The following ELAPOR1 variants were observed in gnomAD, a reference collection of about 807,000 sequenced individuals.
ELAPOR1 encodes endosome-lysosome associated apoptosis and autophagy regulator 1.
A neutral mutation model predicts 119.7 loss-of-function variants in ELAPOR1; 77 were observed. The ratio of observed to expected loss-of-function variants is 0.64; its 90% CI spans 0.54 to 0.78. The LOEUF is 0.78. ELAPOR1 is among the 30% of genes least tolerant of loss of function. ELAPOR1 has a pLI of 0.00. For missense variants in ELAPOR1, 1,115 were observed against 1,270.4 expected (o/e 0.88, Z 1.86); for synonymous variants, 481 against 487.2 (o/e 0.99, Z 0.17).
At chr1:109,129,990 C>T in intron 1 of ELAPOR1, among the ~76,000 whole-genome samples, 1 of 151,956 alleles carries the variant, frequency 6.6e-6, no homozygotes, top group Non-Finnish European at 1.5e-5. Context: ...ACCTTCCTTG[C>T]CTCTTCCAGC....
chr1:109,144,044 TATATATATA>T, intron 1 of ELAPOR1, among the ~76,000 whole-genome samples: 2 of 49,998 alleles, frequency 4.0e-5, no homozygotes, highest in South Asian at 1.6e-3. Flanking sequence ...TATATATATA[TATATATATA>T]TTTATATATT....
intron 3 of ELAPOR1, among the ~76,000 whole-genome samples, chr1:109,169,772 C>G (rs1191299580): frequency 6.6e-6 from 1 of 152,166 alleles, no homozygotes; most frequent in African/African-American, 2.4e-5. Flanking sequence ...CTGACAGTTT[C>G]AAATTTGGAG....
chr1:109,189,557 A>C, intron 10 of ELAPOR1, 35 bp from the exon 11 acceptor site: 1 of 1,577,040 alleles, frequency 6.3e-7, no homozygotes, highest in Non-Finnish European at 8.7e-7. Context: ...TGCACCCAAG[A>C]GCACAAGGCA....
intron 1 of ELAPOR1, among the ~76,000 whole-genome samples, chr1:109,124,541 C>A (rs1648654927): frequency 1.3e-5 from 2 of 152,138 alleles, no homozygotes; most frequent in African/African-American, 4.8e-5. Context: ...TAAACATTTG[C>A]TCAACTGTCA....
chr1:109,153,666 G>C (rs1650676528), intron 1 of ELAPOR1, among the ~76,000 whole-genome samples: 1 of 151,658 alleles, frequency 6.6e-6, no homozygotes, highest in South Asian at 2.1e-4. Context: ...TTGAGACAGA[G>C]TCTCGCTCTG....
Position 109,144,061 on chromosome 1 carries a change from A to ATTTTTTTTTTTTTTTTT in ELAPOR1, c.154-17818_154-17817insTTTTTTTTTTTTTTTTT, listed in dbSNP as rs71069655. Among the ~76,000 whole-genome samples, 58 of 88,966 alleles carry ATTTTTTTTTTTTTTTTT rather than the reference A, an allele frequency of 6.5e-4. 3 individuals are homozygous for ATTTTTTTTTTTTTTTTT. The highest frequency in any genetic ancestry group is 2.3e-3 in the African/African-American group (48 of 20,726). 58.4% of individuals were successfully genotyped at this position (88,966 alleles called of 152,430 possible). A position where few individuals can be genotyped will look rare whatever the true frequency, so the allele number is the denominator to read the frequency against. ...TATATATATATATATATATTTATAT[A>ATTTTTTTTTTTTTTTTT]TTTTTTTTTTTTTTTGAGATGGAGT... On this transcript the variant is annotated intron_variant, in intron 1 of 21. Coordinates refer to ENST00000369939, the MANE Select transcript of ELAPOR1 (RefSeq NM_020775.5).
rs894880310 is a variant in ELAPOR1, at chr1:109,171,128, C to T, written c.468-738C>T. 4.1e-4 allele frequency among the ~76,000 whole-genome samples: 62 copies of T among 152,282 alleles called. 1 individual carries two copies. The highest frequency in any genetic ancestry group is 1.5e-3 in the African/African-American group (61 of 41,548). On this transcript the variant is annotated intron_variant, in intron 3 of 21. Transcript: ENST00000369939. ...CGCTGCTTCGTAATACTGGGCTTGG[C>T]ACTCTCCAAGCCCCAGTTTCATCAT...
chr1:109,173,681 T>TCCC lies in ELAPOR1; in HGVS notation c.803-6_803-4dup. The stretch of plus-strand genomic sequence containing the variant: ...CCTTGCTTTTCTGTGCTCTTCCTCC[T>TCCC]CCCTAGGGGTGGCCTACACTTCAGA... On this transcript the variant is annotated splice_region_variant and splice_polypyrimidine_tract_variant and intron_variant, in intron 6 of 21. Transcript: ENST00000369939. The TCCC allele has an allele frequency of 6.2e-7, 1 of 1,613,678 alleles. No individual in the cohort carries two copies. Among genetic ancestry groups the TCCC allele is most frequent in the Non-Finnish European group, 8.5e-7 (1 of 1,179,804 alleles).
At chr1:109,133,295 CTA>C (rs1267148381) in intron 1 of ELAPOR1, among the ~76,000 whole-genome samples, 1 of 151,616 alleles carries the variant, frequency 6.6e-6, no homozygotes, top group East Asian at 1.9e-4. Flanking sequence ...TATATGAATG[CTA>C]TATAAGCAAA....
intron 3 of ELAPOR1, among the ~76,000 whole-genome samples, chr1:109,170,463 C>T (rs1243456725): frequency 6.6e-6 from 1 of 152,066 alleles, no homozygotes; most frequent in African/African-American, 2.4e-5. Flanking sequence ...CAGATAGAAT[C>T]AAGGAAGACT....
intron 7 of ELAPOR1, among the ~76,000 whole-genome samples, chr1:109,184,625 C>G (rs1308191147): frequency 3.9e-5 from 6 of 152,220 alleles, no homozygotes; most frequent in Non-Finnish European, 8.8e-5. Context: ...AAACCACACC[C>G]AGAGTCAAGA....
chr1:109,200,762 G>A lies in ELAPOR1; in HGVS notation c.2835G>A (p.Val945=). ...QKLEYKYSKL[V]MNATLKDCDL... The stretch of plus-strand genomic sequence containing the variant: ...TAGAGTACAAGTACTCCAAGCTGGT[G>A]ATGAATGCTACTCTCAAGGACTGTG... Residue 945 remains valine (V), a synonymous_variant, in exon 21 of 22, where the codon GTG becomes GTA. Coordinates refer to ENST00000369939, the MANE Select transcript of ELAPOR1 (RefSeq NM_020775.5). 6.2e-7 allele frequency: 1 copy of A among 1,614,040 alleles called. No individual in the cohort carries two copies. The highest frequency in any genetic ancestry group is 2.2e-5 in the East Asian group (1 of 44,898).
At chr1:109,199,317 T>C (rs1654017994) in intron 18 of ELAPOR1, among the ~76,000 whole-genome samples, 2 of 152,212 alleles carry the variant, frequency 1.3e-5, no homozygotes, top group Non-Finnish European at 2.9e-5. Flanking sequence ...TTGGATATGC[T>C]GCGCCTAAAC....
rs760063700 is a variant in ELAPOR1, at chr1:109,194,469, A to G, written c.1996A>G (p.Thr666Ala). 1.9e-6 allele frequency: 3 copies of G among 1,613,734 alleles called. No homozygotes were observed. The South Asian group carries it at 3.3e-5, about 18-fold the overall frequency. Residue 666 changes from threonine (T) to alanine (A), a missense_variant, in exon 15 of 22, where the codon ACC becomes GCC. Coordinates refer to ENST00000369939, the MANE Select transcript of ELAPOR1 (RefSeq NM_020775.5). ...NDCTFSRNTP[T>A]RTFNYNFSAL... The stretch of plus-strand genomic sequence containing the variant: ...TTGCACCTTCTCACGCAACACTCCG[A>G]CCAGGACTTTCAACTACAACTTCTC...
intron 1 of ELAPOR1, among the ~76,000 whole-genome samples, chr1:109,120,785 T>C (rs974045491): frequency 3.3e-5 from 5 of 152,190 alleles, no homozygotes; most frequent in Admixed American, 2.6e-4. Context: ...TGTAATCTGA[T>C]GTGTCGCAGG....
chr1:109,178,938 CTGGG>C (rs1367221546), intron 7 of ELAPOR1, among the ~76,000 whole-genome samples: 2 of 143,720 alleles, frequency 1.4e-5, no homozygotes, highest in African/African-American at 2.6e-5. Context: ...GCATTCCAAT[CTGGG>C]TGACAGAATA....
At chr1:109,174,140 G>T (rs1243844591) in intron 7 of ELAPOR1, among the ~76,000 whole-genome samples, 1 of 150,930 alleles carries the variant, frequency 6.6e-6, no homozygotes, top group Admixed American at 6.6e-5. Context: ...AGCCTCCTGA[G>T]TAGCTAAGAC....
At chr1:109,182,603 C>G (rs953637819) in intron 7 of ELAPOR1, among the ~76,000 whole-genome samples, 1 of 152,054 alleles carries the variant, frequency 6.6e-6, no homozygotes, top group African/African-American at 2.4e-5. Flanking sequence ...AGCGGTGGCT[C>G]ACACCTGTAA....
intron 7 of ELAPOR1, among the ~76,000 whole-genome samples, chr1:109,180,648 T>C (rs188575382): frequency 6.6e-6 from 1 of 152,346 alleles, no homozygotes; most frequent in African/African-American, 2.4e-5. Flanking sequence ...CCTTAAGCCC[T>C]GTCCCAACAC....
Sources: allele counts gnomAD v4.1 joint callset (sites outside exome capture counted in the v4.1 genomes callset), GRCh38; gene constraint gnomAD v4.1.1; transcripts MANE v1.5; gene names NCBI Gene and HGNC (gene_info 2026-07-23, HGNC 2026-07-21).